The following ANO6 variants were observed in gnomAD, a reference collection of about 807,000 sequenced individuals.
ANO6 encodes anoctamin 6, also known as anoctamin-6.
Under a neutral mutation model 117.5 loss-of-function variants are expected in ANO6, and 106 were observed. That is an observed-to-expected ratio of 0.90 (90% CI 0.77 to 1.06). The LOEUF is 1.06. Among genes scored for constraint, ANO6 ranks in the 50% least tolerant of loss-of-function variants. The pLI is 0.00. For synonymous variants in ANO6, 367 were observed against 385.1 expected, an observed-to-expected ratio of 0.95 and a Z score of 0.55; for missense variants, 955 against 1,121.1, an observed-to-expected ratio of 0.85 and a Z score of 2.12.
At chr12:45,420,975 A>G (rs1247344386) in intron 17 of ANO6, 96 bp from the exon 18 acceptor site, 4 of 1,350,642 alleles carry the variant, frequency 3.0e-6, no homozygotes, top group Non-Finnish European at 4.2e-6. Context: ...CAGTGAGCCG[A>G]GATCGTGCCA....
intron 9 of ANO6, among the ~76,000 whole-genome samples, chr12:45,377,642 A>C (rs1381719719): frequency 1.3e-5 from 2 of 152,204 alleles, no homozygotes; most frequent in African/African-American, 4.8e-5. Flanking sequence ...GATGATGATA[A>C]AATGTAAATC....
At chr12:45,435,539 T>G (rs1422690306), downstream of ANO6, among the ~76,000 whole-genome samples, 3 of 152,178 alleles carry the variant, frequency 2.0e-5, no homozygotes, top group Non-Finnish European at 4.4e-5. Flanking sequence ...TCCCCTTCCT[T>G]CCCACCTACC....
At chr12:45,309,702 AC>A (rs5797938) in intron 2 of ANO6, among the ~76,000 whole-genome samples, 136,507 of 152,036 alleles carry the variant, frequency 0.9, 62,466 homozygotes, top group Non-Finnish European at 0.99. Context: ...AATCCCAGAA[AC>A]CCAACTAAAC....
In ANO6 at chr12:45,282,963, A is replaced by C. The variant is rs57971344; in HGVS notation, c.71-19051A>C. Among the ~76,000 whole-genome samples, 85 of 152,252 alleles carry C rather than the reference A, an allele frequency of 5.6e-4. 1 individual carries two copies. The highest frequency in any genetic ancestry group is 1.9e-3 in the African/African-American group (78 of 41,550). On this transcript the variant is annotated intron_variant, in intron 1 of 19. Transcript: ENST00000320560. ...CATTACAAAAATTGGCTTTATTGCT[A>C]TGTCGTTGGCCAGAGTTTGTGTTTT... is the stretch of plus-strand genomic sequence containing the variant.
intron 1 of ANO6, among the ~76,000 whole-genome samples, chr12:45,286,462 G>T (rs1318990702): frequency 6.6e-6 from 1 of 152,166 alleles, no homozygotes. Flanking sequence ...TAGGGGGTAT[G>T]ATTTAGAAAT....
chr12:45,269,882 T>C (rs928298662), intron 1 of ANO6, among the ~76,000 whole-genome samples: 10 of 152,178 alleles, frequency 6.6e-5, no homozygotes, highest in African/African-American at 2.2e-4. Context: ...TTGACCATAA[T>C]AGGGAACTGA....
chr12:45,403,516 CAT>C lies in ANO6; in HGVS notation c.1862_1863del (p.Ile621ThrfsTer45). 2 of 1,613,136 alleles carry C rather than the reference CAT, an allele frequency of 1.2e-6. No homozygotes were observed. Among genetic ancestry groups the C allele is most frequent in the Non-Finnish European group, 8.5e-7 (1 of 1,179,214 alleles). On this transcript the variant is annotated frameshift_variant, in exon 15 of 20. Transcript: ENST00000320560. LOFTEE classifies it high-confidence loss of function. ...IMGGKAIWNN[I>X]QEVLLPWIMN... ...TGGGAGGAAAAGCAATCTGGAATAA[CAT>C]ACAAGAAGTATTATTGCCGTGAGTG... is the stretch of plus-strand genomic sequence containing the variant.
chr12:45,358,887 C>T (rs374313419), intron 8 of ANO6, among the ~76,000 whole-genome samples: 4 of 151,706 alleles, frequency 2.6e-5, no homozygotes, highest in Admixed American at 6.6e-5. Flanking sequence ...CAGGTCCAAG[C>T]GAGTCTCCTG....
intron 15 of ANO6, among the ~76,000 whole-genome samples, chr12:45,405,284 A>T (rs750259755): frequency 3.9e-5 from 6 of 152,228 alleles, no homozygotes; most frequent in Non-Finnish European, 8.8e-5. Context: ...TGAAAAAAGT[A>T]GGTTAATTAT....
intron 2 of ANO6, among the ~76,000 whole-genome samples, chr12:45,311,347 C>T (rs557995456): frequency 6.6e-6 from 1 of 152,142 alleles, no homozygotes; most frequent in African/African-American, 2.4e-5. Flanking sequence ...TAACGAAGCT[C>T]CGTGTGAATT....
At position 45,345,243 on chromosome 12, in the gene ANO6, C is replaced by A. The variant is rs558991367; in HGVS notation, c.280-1779C>A. ...TTTCTGATACTTCAACACAATACAT[C>A]AGGGATTCCACTTGGACTCAAATGT... On this transcript the variant is annotated intron_variant, in intron 3 of 19. Coordinates refer to ENST00000320560, the MANE Select transcript of ANO6 (RefSeq NM_001025356.3). Among the ~76,000 whole-genome samples, 35 of 152,310 alleles carry A rather than the reference C, an allele frequency of 2.3e-4. No individual in the cohort carries two copies. The South Asian group carries it at 7.3e-3, about 32-fold the overall frequency.
intron 9 of ANO6, among the ~76,000 whole-genome samples, chr12:45,371,609 C>A (rs1258772631): frequency 3.3e-5 from 5 of 152,012 alleles, no homozygotes; most frequent in African/African-American, 4.8e-5. Flanking sequence ...ACACTGACAC[C>A]TCACACGGCA....
intron 8 of ANO6, among the ~76,000 whole-genome samples, chr12:45,366,670 T>G (rs1941693743): frequency 6.6e-6 from 1 of 152,204 alleles, no homozygotes; most frequent in Non-Finnish European, 1.5e-5. Flanking sequence ...GCTTTTCCAC[T>G]GAATTTATAG....
At chr12:45,407,499 C>T (rs977495720) in intron 15 of ANO6, among the ~76,000 whole-genome samples, 1 of 76,052 alleles carries the variant, frequency 1.3e-5, no homozygotes, top group Non-Finnish European at 2.8e-5. Context: ...CCCCCCCCCC[C>T]GGAATGACTG....
At position 45,271,015 on chromosome 12, in the gene ANO6, C is replaced by A. The variant is rs561002857; in HGVS notation, c.71-30999C>A. Among the ~76,000 whole-genome samples the A allele has an allele frequency of 5.9e-5, 9 of 152,248 alleles. No individual in the cohort carries two copies. In the South Asian group the frequency reaches 1.9e-3, roughly 32 times the overall value. On this transcript the variant is annotated intron_variant, in intron 1 of 19. Transcript: ENST00000320560. ...GATTACAGGTGTGGGCCACCATGCC[C>A]GGCTGCAAAAGTTATTTCTTACCTG...
At chr12:45,239,703 TGC>T (rs1947707998) in intron 1 of ANO6, among the ~76,000 whole-genome samples, 1 of 152,226 alleles carries the variant, frequency 6.6e-6, no homozygotes, top group Admixed American at 6.5e-5. Context: ...AATTTCCCTC[TGC>T]ACACTGCTTT....
intron 1 of ANO6, among the ~76,000 whole-genome samples, chr12:45,275,276 T>C (rs1362341556): frequency 6.6e-6 from 1 of 152,202 alleles, no homozygotes; most frequent in Non-Finnish European, 1.5e-5. Context: ...AGTAGCGCCA[T>C]CTCGGCTCAC....
At chr12:45,379,290 C>A (rs1593040055) in intron 10 of ANO6, among the ~76,000 whole-genome samples, 1 of 152,178 alleles carries the variant, frequency 6.6e-6, no homozygotes, top group Non-Finnish European at 1.5e-5. Context: ...AAATGGATCA[C>A]AGAACAGACA....
chr12:45,390,498 G>T lies in ANO6; in HGVS notation c.1386G>T (p.Trp462Cys), dbSNP rs1406988006. ...ITLCASAVFF[W>C]ILLIIASVIG... is the part of the protein sequence containing the mutation. Reference sequence around the variant, plus strand: ...TCTGTGCCAGTGCTGTCTTTTTCTGGGTAATTCTATCACAAAAATGTTTTG... The same window carrying T: ...TCTGTGCCAGTGCTGTCTTTTTCTGTGTAATTCTATCACAAAAATGTTTTG... Residue 462 changes from tryptophan to cysteine, a missense_variant and splice_region_variant, in exon 12 of 20, where the codon TGG (tryptophan) becomes TGT (cysteine). By Grantham distance (215) the Trp-to-Cys change is radical. Coordinates refer to ENST00000320560, the MANE Select transcript of ANO6 (RefSeq NM_001025356.3). 2 of 1,612,564 alleles carry T rather than the reference G, an allele frequency of 1.2e-6. No homozygotes were observed. The highest frequency in any genetic ancestry group is 1.7e-6 in the Non-Finnish European group (2 of 1,179,082).
Sources: gnomAD v4.1 joint callset for allele counts (sites outside exome capture counted in the v4.1 genomes callset) on GRCh38, gnomAD v4.1.1 for gene constraint, MANE v1.5 for transcripts, NCBI Gene and HGNC (gene_info 2026-07-23, HGNC 2026-07-21) for gene names.